Variants in CAMK4 observed in about 807,000 individuals in gnomAD.
CAMK4 encodes calcium/calmodulin-dependent protein kinase type IV.
A neutral mutation model predicts 44.9 loss-of-function variants in CAMK4; 22 were observed. The observed-to-expected ratio is 0.49, with a 90% CI of 0.35 to 0.70. The LOEUF is 0.70. Ranked by LOEUF, CAMK4 falls within the 30% of genes least tolerant of loss-of-function variation. The pLI is 0.01. For synonymous variants in CAMK4, 218 were observed against 215.4 expected (o/e 1.01, Z -0.11); for missense variants, 498 against 586.8 (o/e 0.85, Z 1.56).
At chr5:111,393,873 G>GT (rs5870448) in intron 4 of CAMK4, among the ~76,000 whole-genome samples, 1,725 of 141,844 alleles carry the variant, frequency 0.012, 25 homozygotes, top group African/African-American at 0.033. Flanking sequence ...AAAGTTTTGT[G>GT]TTTTTTTTTT....
rs147105004 is a variant in CAMK4 at position 111,459,641 on chromosome 5, T to A, written c.625+10438T>A. On this transcript the variant is annotated intron_variant, in intron 7 of 10. Coordinates refer to ENST00000282356, the MANE Select transcript of CAMK4 (RefSeq NM_001744.6). ...TCGAATCTCAAGAGATTGTCCCCAG[T>A]GTCCTCTCCTGACTTCTCATGTTCT... 9.8e-4 allele frequency among the ~76,000 whole-genome samples: 149 copies of A among 151,560 alleles called. 1 individual carries two copies. The highest frequency in any genetic ancestry group is 3.3e-3 in the African/African-American group (138 of 41,294).
At chr5:111,358,807 A>G (rs1750480944) in intron 2 of CAMK4, among the ~76,000 whole-genome samples, 1 of 152,030 alleles carries the variant, frequency 6.6e-6, no homozygotes, top group Non-Finnish European at 1.5e-5. Flanking sequence ...CTTATAAGTG[A>G]GAACATGCGG....
intron 1 of CAMK4, among the ~76,000 whole-genome samples, chr5:111,281,443 C>T (rs1016777529): frequency 6.6e-6 from 1 of 152,220 alleles, no homozygotes; most frequent in East Asian, 1.9e-4. Flanking sequence ...CCCATCCCCT[C>T]TCCCTTAATC....
intron 1 of CAMK4, among the ~76,000 whole-genome samples, chr5:111,314,475 A>G (rs926272152): frequency 4.6e-5 from 7 of 152,100 alleles, no homozygotes; most frequent in African/African-American, 1.7e-4. Flanking sequence ...TTACATTTCA[A>G]AAGTTTGCTT....
chr5:111,258,064 C>T (rs28660082), intron 1 of CAMK4, among the ~76,000 whole-genome samples: 33,241 of 152,014 alleles, frequency 0.22, 4,129 homozygotes, highest in African/African-American at 0.34. Context: ...GCAGGCTTAA[C>T]ACCTAGGTGA....
chr5:111,467,864 A>G (rs1754900095), intron 7 of CAMK4, among the ~76,000 whole-genome samples: 1 of 152,050 alleles, frequency 6.6e-6, no homozygotes, highest in Non-Finnish European at 1.5e-5. Flanking sequence ...ATCTACTCAG[A>G]GGAAAAGAAG....
intron 5 of CAMK4, among the ~76,000 whole-genome samples, chr5:111,419,294 G>GT (rs1752932990): frequency 6.6e-6 from 1 of 152,072 alleles, no homozygotes; most frequent in Non-Finnish European, 1.5e-5. Flanking sequence ...GGGGTTGTTT[G>GT]TTTTTTTCTT....
chr5:111,443,282 A>ATG (rs1753902796), intron 5 of CAMK4, among the ~76,000 whole-genome samples: 2 of 26,224 alleles, frequency 7.6e-5, no homozygotes, highest in African/African-American at 2.2e-4. Context: ...ATATATATAC[A>ATG]CACACACACA....
intron 1 of CAMK4, among the ~76,000 whole-genome samples, chr5:111,323,184 A>T (rs1447941421): frequency 3.9e-5 from 6 of 152,128 alleles, no homozygotes; most frequent in Non-Finnish European, 7.4e-5. Flanking sequence ...AAAGAGAACC[A>T]AAGGTAGGCA....
intron 1 of CAMK4, among the ~76,000 whole-genome samples, chr5:111,299,780 G>A (rs1747642870): frequency 6.6e-6 from 1 of 152,084 alleles, no homozygotes; most frequent in Non-Finnish European, 1.5e-5. Context: ...AGGAAAATCT[G>A]GAGACAAGTG....
rs1340606601 is a variant in CAMK4 at position 111,489,613 on chromosome 5, G to T, written c.*5147G>T. On this transcript the variant is annotated 3_prime_UTR_variant, in exon 11 of 11. Coordinates refer to ENST00000282356, the MANE Select transcript of CAMK4 (RefSeq NM_001744.6). ...AGAGGTCCACCAGGGCAAAATAGAA[G>T]CCTTGCCGAGAAAGTGAACTGTCTT... 1 of 152,080 alleles carries T rather than the reference G, an allele frequency of 6.6e-6. No homozygotes were observed. Among genetic ancestry groups the T allele is most frequent in the African/African-American group, 2.4e-5 (1 of 41,448 alleles). The allele number at this position is 152,080 out of a possible 1,614,324, so 9.4% of individuals were successfully genotyped here. A position where few individuals can be genotyped will look rare whatever the true frequency, so the allele number is the denominator to read the frequency against.
chr5:111,302,423 C>G (rs1291297838), intron 1 of CAMK4: 1 of 148,136 alleles, frequency 6.8e-6, no homozygotes, highest in Non-Finnish European at 1.5e-5. Flanking sequence ...CGAGGCATTG[C>G]CTCACCTGGG....
chr5:111,267,722 A>G (rs1750319844), intron 1 of CAMK4, among the ~76,000 whole-genome samples: 1 of 151,586 alleles, frequency 6.6e-6, no homozygotes, highest in South Asian at 2.1e-4. Flanking sequence ...AAAAAAAAAA[A>G]AAAAAAGAAT....
At chr5:111,317,072 T>A (rs944561978) in intron 1 of CAMK4, among the ~76,000 whole-genome samples, 3 of 152,012 alleles carry the variant, frequency 2.0e-5, no homozygotes, top group African/African-American at 7.2e-5. Flanking sequence ...GCATTAAAAA[T>A]AATAATAATA....
chr5:111,318,461 G>A (rs1748526680), intron 1 of CAMK4, among the ~76,000 whole-genome samples: 1 of 152,128 alleles, frequency 6.6e-6, no homozygotes, highest in South Asian at 2.1e-4. Flanking sequence ...TGGAACAGTT[G>A]TTTTATTCCC....
At chr5:111,357,042 C>G (rs905648269) in intron 2 of CAMK4, among the ~76,000 whole-genome samples, 1 of 151,984 alleles carries the variant, frequency 6.6e-6, no homozygotes, top group African/African-American at 2.4e-5. Context: ...TGCTGGTATG[C>G]CATCCACTCA....
chr5:111,375,013 A>G, intron 3 of CAMK4, 101 bp downstream of exon 3: 1 of 761,488 alleles, frequency 1.3e-6, no homozygotes. Context: ...GGATTCTCCC[A>G]CCACTGATAG....
intron 4 of CAMK4, among the ~76,000 whole-genome samples, chr5:111,391,414 A>C (rs1303241752): frequency 1.3e-5 from 2 of 152,160 alleles, no homozygotes; most frequent in Admixed American, 6.6e-5. Flanking sequence ...TAGTTCCAAT[A>C]GAGAATGATT....
intron 5 of CAMK4, among the ~76,000 whole-genome samples, chr5:111,429,358 A>G (rs1753347550): frequency 6.6e-6 from 1 of 152,210 alleles, no homozygotes; most frequent in African/African-American, 2.4e-5. Context: ...GCGAGCAACT[A>G]CATGCCAATA....
Sources: allele counts gnomAD v4.1 joint callset (sites outside exome capture counted in the v4.1 genomes callset), GRCh38; gene constraint gnomAD v4.1.1; transcripts MANE v1.5; gene names NCBI Gene and HGNC (gene_info 2026-07-23, HGNC 2026-07-21).